The following NR3C2 variants were observed in gnomAD, a reference collection of about 807,000 sequenced individuals.
NR3C2 encodes the protein mineralocorticoid receptor.
Under a neutral mutation model 86.4 loss-of-function variants are expected in NR3C2, and 15 were observed. That is an observed-to-expected ratio of 0.17 (90% CI 0.12 to 0.27). The LOEUF is 0.27. NR3C2 is among the 10% of genes least tolerant of loss of function. The probability of loss-of-function intolerance (pLI) is 1.00; values close to 1 mark genes in which losing one functional copy is unlikely to be tolerated. For synonymous variants in NR3C2, 458 were observed against 450.5 expected (o/e 1.02, Z -0.21); for missense variants, 960 against 1,195.6 (o/e 0.80, Z 2.91).
At chr4:148,242,071 T>C (rs1249232991) in intron 3 of NR3C2, among the ~76,000 whole-genome samples, 3 of 152,186 alleles carry the variant, frequency 2.0e-5, no homozygotes, top group East Asian at 1.9e-4. Flanking sequence ...AAGTGTTTAA[T>C]AGGTACAGAT....
At chr4:148,179,765 G>A (rs1735560526) in intron 4 of NR3C2, among the ~76,000 whole-genome samples, 1 of 151,778 alleles carries the variant, frequency 6.6e-6, no homozygotes, top group African/African-American at 2.4e-5. Flanking sequence ...AATTCTATCT[G>A]CTTTAGAGCC....
intron 6 of NR3C2, among the ~76,000 whole-genome samples, chr4:148,135,319 T>C (rs1733249101): frequency 6.6e-6 from 1 of 152,112 alleles, no homozygotes; most frequent in Non-Finnish European, 1.5e-5. Context: ...TGGATGGGCT[T>C]AGGGCCTTTA....
At chr4:148,387,983 T>C (rs879814494) in intron 2 of NR3C2, among the ~76,000 whole-genome samples, 14 of 152,206 alleles carry the variant, frequency 9.2e-5, no homozygotes, top group Non-Finnish European at 1.8e-4. Context: ...ACTGAAAATC[T>C]TGCCACTACA....
rs1240799262 is a variant in NR3C2, at chr4:148,174,119, CAAATGATTTGACAA to C, written c.2015-19232_2015-19219del. On this transcript the variant is annotated intron_variant, in intron 4 of 8. Transcript: ENST00000358102. ...GATTTTGTTTATTAAAAAAATAAGT[CAAATGATTTGACAA>C]AAACAGAGCTAATGGATATGAAAGC... Among the ~76,000 whole-genome samples the C allele has an allele frequency of 2.0e-5, 3 of 152,254 alleles. No individual in the cohort carries two copies. The East Asian group carries it at 5.8e-4, about 29-fold the overall frequency.
At chr4:148,147,771 A>C (rs1733935282) in intron 6 of NR3C2, among the ~76,000 whole-genome samples, 1 of 152,198 alleles carries the variant, frequency 6.6e-6, no homozygotes, top group African/African-American at 2.4e-5. Flanking sequence ...GAAGGTAGGA[A>C]AGCACGGGTA....
intron 2 of NR3C2, among the ~76,000 whole-genome samples, chr4:148,308,279 G>C (rs1259598975): frequency 2.0e-5 from 3 of 152,076 alleles, no homozygotes; most frequent in African/African-American, 7.2e-5. Flanking sequence ...ATTAAGATCT[G>C]TGCCATTACG....
chr4:148,134,545 G>T (rs1429945611), intron 6 of NR3C2, among the ~76,000 whole-genome samples: 1 of 148,800 alleles, frequency 6.7e-6, no homozygotes, highest in East Asian at 2.1e-4. Flanking sequence ...AATGATAAAT[G>T]ATTTGTTGGT....
intron 4 of NR3C2, among the ~76,000 whole-genome samples, chr4:148,180,452 G>A (rs185940768): frequency 2.7e-5 from 4 of 146,606 alleles, no homozygotes; most frequent in African/African-American, 9.7e-5. Flanking sequence ...CCATCTGTGT[G>A]TCTTTATCTC....
At chr4:148,278,504 A>G (rs1382211749) in intron 2 of NR3C2, among the ~76,000 whole-genome samples, 2 of 152,222 alleles carry the variant, frequency 1.3e-5, no homozygotes, top group Admixed American at 6.5e-5. Flanking sequence ...TAGTCTGATT[A>G]CAAATGGTAA....
chr4:148,198,745 G>A (rs1014470418), intron 3 of NR3C2, among the ~76,000 whole-genome samples: 1 of 151,844 alleles, frequency 6.6e-6, no homozygotes, highest in African/African-American at 2.4e-5. Context: ...ATTTAAAAAG[G>A]TGGTAGAGGT....
At chr4:148,361,230 AT>A (rs1412883272) in intron 2 of NR3C2, among the ~76,000 whole-genome samples, 2 of 152,254 alleles carry the variant, frequency 1.3e-5, no homozygotes, top group East Asian at 3.8e-4. Context: ...GAATCTCTAA[AT>A]TGACAGCCCA....
chr4:148,366,582 A>G (rs1044336956), intron 2 of NR3C2, among the ~76,000 whole-genome samples: 2 of 58,924 alleles, frequency 3.4e-5, no homozygotes, highest in Non-Finnish European at 7.8e-5. Context: ...AATTCAACAA[A>G]GTCTAAATTG....
chr4:148,288,324 A>G (rs1741633378), intron 2 of NR3C2, among the ~76,000 whole-genome samples: 1 of 152,244 alleles, frequency 6.6e-6, no homozygotes, highest in African/African-American at 2.4e-5. Context: ...ATGCTCTGTA[A>G]ATGTTAGTTC....
chr4:148,299,563 T>G (rs959784304), intron 2 of NR3C2, among the ~76,000 whole-genome samples: 1 of 152,192 alleles, frequency 6.6e-6, no homozygotes, highest in Non-Finnish European at 1.5e-5. Flanking sequence ...CAAAGGCCTG[T>G]GTGGCAGGCT....
intron 2 of NR3C2, among the ~76,000 whole-genome samples, chr4:148,305,727 T>G (rs1295278907): frequency 6.6e-6 from 1 of 152,202 alleles, no homozygotes; most frequent in Non-Finnish European, 1.5e-5. Flanking sequence ...TAGGAAAAGT[T>G]GGGACTTGCA....
chr4:148,297,726 C>T (rs1264407876), intron 2 of NR3C2, among the ~76,000 whole-genome samples: 1 of 152,120 alleles, frequency 6.6e-6, no homozygotes, highest in African/African-American at 2.4e-5. Flanking sequence ...GATCTGACAA[C>T]ATAGCTTATT....
intron 2 of NR3C2, among the ~76,000 whole-genome samples, chr4:148,394,411 A>G (rs1747751012): frequency 6.6e-6 from 1 of 152,008 alleles, no homozygotes; most frequent in African/African-American, 2.4e-5. Flanking sequence ...CAGGCATGGT[A>G]ACTCATGCCT....
intron 3 of NR3C2, among the ~76,000 whole-genome samples, chr4:148,216,993 G>A (rs760007045): frequency 2.5e-4 from 38 of 152,190 alleles, no homozygotes; most frequent in Non-Finnish European, 3.7e-4. Context: ...TAAGCCAAAC[G>A]TGAACTGAAA....
chr4:148,416,397 T>C (rs769372764), intron 2 of NR3C2, among the ~76,000 whole-genome samples: 77 of 152,352 alleles, frequency 5.1e-4, no homozygotes, highest in Non-Finnish European at 9.8e-4. Flanking sequence ...TCAGTCCTTA[T>C]AACAATACTG....
Sources: allele counts gnomAD v4.1 joint callset (sites outside exome capture counted in the v4.1 genomes callset), GRCh38; gene constraint gnomAD v4.1.1; transcripts MANE v1.5; gene names NCBI Gene and HGNC (gene_info 2026-07-23, HGNC 2026-07-21).